Variants in CAMKMT observed in about 807,000 individuals in gnomAD.
The protein encoded by CAMKMT is CaM KMT.
Under a neutral mutation model 48.0 loss-of-function variants are expected in CAMKMT, and 53 were observed. The observed-to-expected ratio is 1.10, with a 90% CI of 0.89 to 1.39. CAMKMT has a LOEUF of 1.39. Among genes scored for constraint, CAMKMT ranks in the 40% most tolerant of loss-of-function variants. The probability of loss-of-function intolerance (pLI) is 0.00; values close to 1 mark genes in which losing one functional copy is unlikely to be tolerated. For synonymous variants in CAMKMT, 165 were observed against 152.3 expected (o/e 1.08, Z -0.61); for missense variants, 428 against 402.7 (o/e 1.06, Z -0.54).
intron 10 of CAMKMT, among the ~76,000 whole-genome samples, chr2:44,768,361 A>ATATATATATATATATATATATTT (rs35058824): frequency 4.3e-5 from 5 of 115,728 alleles, no homozygotes; most frequent in African/African-American, 1.5e-4. Context: ...ATATATATAT[A>ATATATATATATATATATATATTT]TTTTTTTTTT....
intron 3 of CAMKMT, among the ~76,000 whole-genome samples, chr2:44,563,222 A>G (rs1279530748): frequency 6.7e-6 from 1 of 150,260 alleles, no homozygotes; most frequent in Non-Finnish European, 1.5e-5. Flanking sequence ...TGTATTTCCC[A>G]TAGGTGTATA....
intron 3 of CAMKMT, among the ~76,000 whole-genome samples, chr2:44,447,266 G>A (rs1009907310): frequency 6.6e-6 from 1 of 152,120 alleles, no homozygotes; most frequent in Non-Finnish European, 1.5e-5. Flanking sequence ...ACTCATTGTC[G>A]AGTATGCTTT....
intron 3 of CAMKMT, among the ~76,000 whole-genome samples, chr2:44,577,693 G>GAGAGGT (rs1402710058): frequency 1.3e-5 from 2 of 151,328 alleles, no homozygotes; most frequent in Non-Finnish European, 3.0e-5. Context: ...GAGGGAGAGG[G>GAGAGGT]AGACGGAGAG....
At chr2:44,591,979 C>T (rs376923092) in intron 3 of CAMKMT, among the ~76,000 whole-genome samples, 10 of 151,358 alleles carry the variant, frequency 6.6e-5, no homozygotes, top group Admixed American at 2.0e-4. Context: ...AACCAAACAC[C>T]GCATATTCTC....
intron 3 of CAMKMT, among the ~76,000 whole-genome samples, chr2:44,684,988 A>T (rs1353141079): frequency 6.6e-6 from 1 of 152,150 alleles, no homozygotes; most frequent in African/African-American, 2.4e-5. Flanking sequence ...TTCATTTTTT[A>T]TTGCTGAGTT....
chr2:44,768,363 T>TATATATATATATATATATA (rs1558844484), intron 10 of CAMKMT, among the ~76,000 whole-genome samples: 12 of 72,032 alleles, frequency 1.7e-4, no homozygotes, highest in Non-Finnish European at 2.2e-4. Context: ...ATATATATAT[T>TATATATATATATATATATA]TTTTTTTTTT....
rs145062430 is a variant in CAMKMT at position 44,384,061 on chromosome 2, T to C, written c.312-6180T>C. 4.8e-3 allele frequency among the ~76,000 whole-genome samples: 735 copies of C among 152,326 alleles called. 8 individuals carry two copies. Among genetic ancestry groups the C allele is most frequent in the African/African-American group, 0.017 (694 of 41,582 alleles). ...TTAAGGAATCTCCACACTGTTTCCA[T>C]AGTGGTTGTACTAGTTTTCATTCCC... On this transcript the variant is annotated intron_variant, in intron 2 of 10. Coordinates refer to ENST00000378494, the MANE Select transcript of CAMKMT (RefSeq NM_024766.5).
intron 3 of CAMKMT, among the ~76,000 whole-genome samples, chr2:44,556,311 G>C (rs1002976802): frequency 6.6e-6 from 1 of 151,520 alleles, no homozygotes; most frequent in Non-Finnish European, 1.5e-5. Context: ...GCTAATTTTT[G>C]TATTTTTAGT....
intron 3 of CAMKMT, among the ~76,000 whole-genome samples, chr2:44,497,575 T>C (rs1315325501): frequency 6.6e-6 from 1 of 152,152 alleles, no homozygotes; most frequent in Non-Finnish European, 1.5e-5. Context: ...TACCAAATTA[T>C]TAACTGTTCT....
rs149840380 is a variant in CAMKMT at position 44,429,994 on chromosome 2, G to T, written c.376+39689G>T. ...ATGATAAAAATAATTAGTAATCCAG[G>T]ACTCTTTATAGAGAAGCTCTCTATA... On this transcript the variant is annotated intron_variant, in intron 3 of 10. Coordinates refer to ENST00000378494, the MANE Select transcript of CAMKMT (RefSeq NM_024766.5). Among the ~76,000 whole-genome samples the T allele has an allele frequency of 1.0e-3, 157 of 151,962 alleles. 1 individual carries two copies. The highest frequency in any genetic ancestry group is 3.6e-3 in the African/African-American group (150 of 41,434).
intron 3 of CAMKMT, among the ~76,000 whole-genome samples, chr2:44,441,390 G>C (rs1299768079): frequency 6.6e-6 from 1 of 152,120 alleles, no homozygotes; most frequent in African/African-American, 2.4e-5. Flanking sequence ...TGATGACTCG[G>C]AATTAATCCT....
chr2:44,517,067 T>C (rs1670868451), intron 3 of CAMKMT, among the ~76,000 whole-genome samples: 1 of 152,188 alleles, frequency 6.6e-6, no homozygotes, highest in Non-Finnish European at 1.5e-5. Context: ...GCTTGAATCA[T>C]CATTTTGAGA....
chr2:44,437,922 TC>T (rs1666379639), intron 3 of CAMKMT, among the ~76,000 whole-genome samples: 1 of 151,800 alleles, frequency 6.6e-6, no homozygotes, highest in Non-Finnish European at 1.5e-5. Context: ...CTATGTTTGC[TC>T]CTCCAGAGAT....
chr2:44,375,559 G>A (rs998105550), intron 2 of CAMKMT, among the ~76,000 whole-genome samples: 1 of 152,088 alleles, frequency 6.6e-6, no homozygotes, highest in Non-Finnish European at 1.5e-5. Context: ...AAGTTTAGAG[G>A]TAGGAGTGAG....
intron 9 of CAMKMT, among the ~76,000 whole-genome samples, chr2:44,759,605 A>G (rs1680527376): frequency 6.6e-6 from 1 of 152,120 alleles, no homozygotes; most frequent in Non-Finnish European, 1.5e-5. Context: ...TGAGTCAGAG[A>G]CCCAGCGACT....
At chr2:44,615,140 G>A (rs1217657468) in intron 3 of CAMKMT, among the ~76,000 whole-genome samples, 1 of 151,566 alleles carries the variant, frequency 6.6e-6, no homozygotes, top group African/African-American at 2.4e-5. Flanking sequence ...TGCCCAGGCT[G>A]GTGGCAAACT....
chr2:44,371,959 A>G (rs1679221505), intron 1 of CAMKMT, among the ~76,000 whole-genome samples: 3 of 152,208 alleles, frequency 2.0e-5, no homozygotes, highest in Admixed American at 1.3e-4. Context: ...CCTGGCTTTT[A>G]GCAACACCAG....
chr2:44,496,537 C>T (rs1209397544), intron 3 of CAMKMT, among the ~76,000 whole-genome samples: 5 of 152,176 alleles, frequency 3.3e-5, no homozygotes, highest in South Asian at 2.1e-4. Flanking sequence ...GTGACTTGTA[C>T]GTATGCCTTA....
At chr2:44,457,733 A>C (rs1035469821) in intron 3 of CAMKMT, among the ~76,000 whole-genome samples, 1 of 152,164 alleles carries the variant, frequency 6.6e-6, no homozygotes, top group African/African-American at 2.4e-5. Context: ...CTAGTGTACA[A>C]GAGTCTTTGA....
Sources: gnomAD v4.1 joint callset for allele counts (sites outside exome capture counted in the v4.1 genomes callset) on GRCh38, gnomAD v4.1.1 for gene constraint, MANE v1.5 for transcripts, NCBI Gene and HGNC (gene_info 2026-07-23, HGNC 2026-07-21) for gene names.